Variants in EFNA5 observed in about 807,000 individuals in gnomAD.
EFNA5 encodes the protein ephrin A5.
In EFNA5, 5 loss-of-function variants were observed where a neutral mutation model predicts 22.9. That is an observed-to-expected ratio of 0.22 (90% CI 0.11 to 0.46). EFNA5 has a LOEUF of 0.46. Among genes scored for constraint, EFNA5 ranks in the 20% least tolerant of loss-of-function variants. EFNA5 has a pLI of 0.99. For synonymous variants in EFNA5, 113 were observed against 112.2 expected (o/e 1.01, Z -0.04); for missense variants, 237 against 293.3 (o/e 0.81, Z 1.40).
chr5:107,657,106 A>C (rs1750843021), intron 1 of EFNA5, among the ~76,000 whole-genome samples: 1 of 152,166 alleles, frequency 6.6e-6, no homozygotes, highest in Non-Finnish European at 1.5e-5. Context: ...TAATATGATG[A>C]CAAGTCACTG....
At chr5:107,411,483 C>G (rs1048574733) in intron 2 of EFNA5, among the ~76,000 whole-genome samples, 2 of 152,192 alleles carry the variant, frequency 1.3e-5, no homozygotes, top group Non-Finnish European at 2.9e-5. Context: ...TAGGGTGACA[C>G]AAGGAATTGA....
rs1580411309 is a variant in EFNA5 at position 107,380,632 on chromosome 5, C to G, written c.*623G>C. On this transcript the variant is annotated 3_prime_UTR_variant, in exon 5 of 5. Coordinates refer to ENST00000333274, the MANE Select transcript of EFNA5 (RefSeq NM_001962.3). The stretch of plus-strand genomic sequence containing the variant: ...AGCACAAGTTTTGCTGTCAAGAATG[C>G]TTTAAGACAGTCATATTAAAAAAAA... The G allele has an allele frequency of 2.6e-6, 1 of 385,796 alleles. No homozygotes were observed. The highest frequency in any genetic ancestry group is 2.1e-5 in the African/African-American group (1 of 47,826). 23.9% of individuals were successfully genotyped at this position (385,796 alleles called of 1,614,324 possible). A position where few individuals can be genotyped will look rare whatever the true frequency, so the allele number is the denominator to read the frequency against.
At chr5:107,455,382 A>T (rs1201848533) in intron 1 of EFNA5, among the ~76,000 whole-genome samples, 1 of 152,094 alleles carries the variant, frequency 6.6e-6, no homozygotes, top group African/African-American at 2.4e-5. Context: ...TTCACAAAAG[A>T]CCCATGTCAA....
At chr5:107,389,393 C>T (rs530012890) in intron 2 of EFNA5, among the ~76,000 whole-genome samples, 88 of 152,220 alleles carry the variant, frequency 5.8e-4, no homozygotes, top group Non-Finnish European at 8.1e-4. Flanking sequence ...AGGAAAACCA[C>T]GGGTTCCTGA....
At chr5:107,630,887 G>A (rs541363784) in intron 1 of EFNA5, among the ~76,000 whole-genome samples, 209 of 151,756 alleles carry the variant, frequency 1.4e-3, no homozygotes, top group African/African-American at 4.8e-3. Flanking sequence ...TGTTAAAAAC[G>A]AAGACATAAA....
intron 1 of EFNA5, among the ~76,000 whole-genome samples, chr5:107,457,201 A>G (rs1749717686): frequency 6.6e-6 from 1 of 152,156 alleles, no homozygotes; most frequent in African/African-American, 2.4e-5. Flanking sequence ...TACAACTCGC[A>G]CAATGTTTTT....
At chr5:107,395,052 T>TTTTTTTTTTTTTTTTTTC (rs1554056358) in intron 2 of EFNA5, among the ~76,000 whole-genome samples, 1 of 144,196 alleles carries the variant, frequency 6.9e-6, no homozygotes, top group Non-Finnish European at 1.5e-5. Flanking sequence ...TTTTTTTTTT[T>TTTTTTTTTTTTTTTTTTC]CCGCGAGACA....
chr5:107,503,297 T>C (rs539312916), intron 1 of EFNA5, among the ~76,000 whole-genome samples: 58 of 152,306 alleles, frequency 3.8e-4, no homozygotes, highest in African/African-American at 1.3e-3. Flanking sequence ...TTTGAATATG[T>C]TTTGCCCAGT....
intron 1 of EFNA5, among the ~76,000 whole-genome samples, chr5:107,434,989 CA>C (rs1404180585): frequency 3.3e-5 from 5 of 152,172 alleles, no homozygotes; most frequent in Admixed American, 2.0e-4. Flanking sequence ...GCAAATTTAT[CA>C]GCTTAGGGTT....
intron 1 of EFNA5, among the ~76,000 whole-genome samples, chr5:107,649,519 T>C (rs1750687945): frequency 6.6e-6 from 1 of 152,118 alleles, no homozygotes; most frequent in South Asian, 2.1e-4. Flanking sequence ...GGATCCAAAA[T>C]TATGCACCAT....
At chr5:107,644,794 TG>T (rs1305981049) in intron 1 of EFNA5, among the ~76,000 whole-genome samples, 1 of 152,104 alleles carries the variant, frequency 6.6e-6, no homozygotes, top group African/African-American at 2.4e-5. Flanking sequence ...CTCCGTCTCC[TG>T]GGTTCAAGCA....
intron 1 of EFNA5, among the ~76,000 whole-genome samples, chr5:107,485,073 T>A (rs1170235621): frequency 6.6e-6 from 1 of 151,924 alleles, no homozygotes; most frequent in African/African-American, 2.4e-5. Flanking sequence ...CAAAGCAGAT[T>A]TTTTTAAAAA....
At chr5:107,533,973 T>A (rs910330970) in intron 1 of EFNA5, among the ~76,000 whole-genome samples, 4 of 152,242 alleles carry the variant, frequency 2.6e-5, no homozygotes, top group Non-Finnish European at 4.4e-5. Context: ...AAGCTTTCCA[T>A]ATCTGGATTT....
intron 2 of EFNA5, among the ~76,000 whole-genome samples, chr5:107,413,699 T>A (rs1011789217): frequency 1.8e-4 from 28 of 152,144 alleles, no homozygotes; most frequent in Admixed American, 3.3e-4. Context: ...TGATAAAAAA[T>A]TTTGTTCAAT....
intron 1 of EFNA5, among the ~76,000 whole-genome samples, chr5:107,590,955 G>T (rs1424666232): frequency 1.3e-5 from 2 of 152,120 alleles, no homozygotes; most frequent in Non-Finnish European, 2.9e-5. Flanking sequence ...CAGTTGTGTG[G>T]GTGGGTCAAG....
intron 1 of EFNA5, among the ~76,000 whole-genome samples, chr5:107,472,439 T>C (rs1275961096): frequency 2.0e-5 from 3 of 152,198 alleles, no homozygotes; most frequent in African/African-American, 2.4e-5. Flanking sequence ...CTAGAAGTTG[T>C]TAGTAAAGGT....
chr5:107,442,028 C>G (rs943525049), intron 1 of EFNA5, among the ~76,000 whole-genome samples: 1 of 152,074 alleles, frequency 6.6e-6, no homozygotes, highest in African/African-American at 2.4e-5. Context: ...CCTAACTCAC[C>G]ACTCCTTGAA....
At chr5:107,646,141 G>A (rs1490082343) in intron 1 of EFNA5, among the ~76,000 whole-genome samples, 1 of 152,156 alleles carries the variant, frequency 6.6e-6, no homozygotes, top group Non-Finnish European at 1.5e-5. Context: ...TAGTATCTAA[G>A]GTATAGGAAA....
intron 1 of EFNA5, among the ~76,000 whole-genome samples, chr5:107,444,138 G>A (rs899462056): frequency 7.9e-5 from 12 of 152,122 alleles, no homozygotes; most frequent in Admixed American, 6.5e-5. Flanking sequence ...AACAGTTTCC[G>A]CAATGCTCAA....
Sources: gnomAD v4.1 joint callset for allele counts (sites outside exome capture counted in the v4.1 genomes callset) on GRCh38, gnomAD v4.1.1 for gene constraint, MANE v1.5 for transcripts, NCBI Gene and HGNC (gene_info 2026-07-23, HGNC 2026-07-21) for gene names.